STK32B: variants seen among roughly 807,000 people sequenced by gnomAD.
The protein encoded by STK32B is serine/threonine-protein kinase 32B.
STK32B carries 43 observed loss-of-function variants against 52.6 expected under a neutral mutation model. That is an observed-to-expected ratio of 0.82 (90% CI 0.64 to 1.05). STK32B has a LOEUF of 1.05. Among genes scored for constraint, STK32B ranks in the 50% least tolerant of loss-of-function variants. STK32B has a pLI of 0.00. For missense variants in STK32B, 621 were observed against 534.6 expected (o/e 1.16, Z -1.59); for synonymous variants, 238 against 204.3 (o/e 1.17, Z -1.41).
intron 1 of STK32B, 69 bp downstream of exon 1, chr4:5,051,984 C>G (rs1741806154): frequency 1.9e-6 from 3 of 1,546,120 alleles, no homozygotes; most frequent in Middle Eastern, 1.7e-4. Context: ...CTCGGCCGAG[C>G]CCTGCGGGGC....
chr4:5,367,060 T>G (rs539800748), intron 4 of STK32B, among the ~76,000 whole-genome samples: 5 of 152,072 alleles, frequency 3.3e-5, no homozygotes, highest in Non-Finnish European at 7.4e-5. Flanking sequence ...CCACCTCCCC[T>G]TCTCTCCATG....
At chr4:5,039,222 C>T in the STK32B span, among the ~76,000 whole-genome samples, 1 of 152,094 alleles carries the variant, frequency 6.6e-6, no homozygotes, top group Non-Finnish European at 1.5e-5. Context: ...CTTAAACTCC[C>T]AGACTCAAGT....
chr4:5,371,218 G>A (rs898933458), intron 4 of STK32B, among the ~76,000 whole-genome samples: 2 of 152,058 alleles, frequency 1.3e-5, no homozygotes, highest in African/African-American at 2.4e-5. Context: ...GGGATCAGTA[G>A]ATGGAAAATG....
intron 2 of STK32B, chr4:5,140,261 A>T (rs1716336672): frequency 7.1e-7 from 1 of 1,405,986 alleles, no homozygotes; most frequent in Non-Finnish European, 9.4e-7. Context: ...ACCCATAAAC[A>T]TCACAAAGGC....
At chr4:5,317,393 A>AAT (rs1473627512) in intron 3 of STK32B, among the ~76,000 whole-genome samples, 1 of 82,662 alleles carries the variant, frequency 1.2e-5, no homozygotes, top group Non-Finnish European at 1.9e-5. Context: ...ACATATATAT[A>AAT]ATATATATAA....
At position 5,249,867 on chromosome 4, in the gene STK32B, A is replaced by T. The variant is rs59692549; in HGVS notation, c.261-81353A>T. Among the ~76,000 whole-genome samples the T allele has an allele frequency of 4.5e-3, 685 of 152,276 alleles. 2 individuals are homozygous for T. The highest frequency in any genetic ancestry group is 0.015 in the African/African-American group (625 of 41,554). On this transcript the variant is annotated intron_variant, in intron 3 of 11. Transcript: ENST00000282908. ...GTACAGATTATTTCATCACCTATGT[A>T]ATAAGCACAGTACTCGATAGATGGT...
chr4:5,345,381 T>G (rs1457580406), intron 4 of STK32B: 3 of 152,088 alleles, frequency 2.0e-5, no homozygotes, highest in Non-Finnish European at 4.4e-5. Context: ...AATTCCTCGT[T>G]CCTGTTCCCA....
chr4:5,145,560 C>G (rs550939717), intron 2 of STK32B, among the ~76,000 whole-genome samples: 1 of 152,276 alleles, frequency 6.6e-6, no homozygotes, highest in South Asian at 2.1e-4. Context: ...GTTGCCTGTT[C>G]TAAAATTTAG....
chr4:5,365,187 A>C (rs1476438177), intron 4 of STK32B, among the ~76,000 whole-genome samples: 1 of 152,178 alleles, frequency 6.6e-6, no homozygotes, highest in Non-Finnish European at 1.5e-5. Context: ...AAAAAATATT[A>C]TCTCTTTAGT....
chr4:5,312,213 T>A (rs190289223), intron 3 of STK32B, among the ~76,000 whole-genome samples: 107 of 130,906 alleles, frequency 8.2e-4, no homozygotes, highest in African/African-American at 2.9e-3. Flanking sequence ...AAAGATTTTC[T>A]TGTTGTTTTT....
intron 1 of STK32B, among the ~76,000 whole-genome samples, chr4:5,125,935 C>G (rs1004716931): frequency 6.6e-6 from 1 of 152,124 alleles, no homozygotes; most frequent in African/African-American, 2.4e-5. Context: ...CTACCGGAGG[C>G]CCTTGCCTCA....
At chr4:5,464,809 T>G (rs1048472041) in intron 9 of STK32B, among the ~76,000 whole-genome samples, 5 of 152,168 alleles carry the variant, frequency 3.3e-5, no homozygotes, top group African/African-American at 7.2e-5. Flanking sequence ...CCTGCATTTT[T>G]ATGAATGAAT....
At chr4:5,054,314 G>A (rs541511344) in intron 1 of STK32B, among the ~76,000 whole-genome samples, 8 of 152,260 alleles carry the variant, frequency 5.3e-5, no homozygotes, top group South Asian at 2.1e-4. Flanking sequence ...GAGCTCAGGC[G>A]ACTGATATCC....
chr4:5,039,937 C>A, the STK32B span, among the ~76,000 whole-genome samples: 1 of 152,182 alleles, frequency 6.6e-6, no homozygotes, highest in African/African-American at 2.4e-5. Context: ...AGGCAGTAGG[C>A]GGTCCAGGTC....
chr4:5,175,888 CT>C (rs1173153506), intron 3 of STK32B, among the ~76,000 whole-genome samples: 1 of 152,252 alleles, frequency 6.6e-6, no homozygotes, highest in Non-Finnish European at 1.5e-5. Flanking sequence ...TGTCTTTGCC[CT>C]GCCCCCAGAG....
intron 1 of STK32B, among the ~76,000 whole-genome samples, chr4:5,137,619 A>G (rs1038923776): frequency 1.3e-5 from 2 of 152,192 alleles, no homozygotes; most frequent in Non-Finnish European, 2.9e-5. Flanking sequence ...TACAAATGAG[A>G]TAACTGAGGC....
At chr4:5,401,554 C>A (rs1207882814) in intron 5 of STK32B, among the ~76,000 whole-genome samples, 1 of 152,194 alleles carries the variant, frequency 6.6e-6, no homozygotes, top group East Asian at 1.9e-4. Flanking sequence ...TTGGAATGGA[C>A]ACTTTCATTC....
At chr4:5,065,969 C>T (rs1241351883) in intron 1 of STK32B, among the ~76,000 whole-genome samples, 2 of 152,134 alleles carry the variant, frequency 1.3e-5, no homozygotes, top group African/African-American at 2.4e-5. Context: ...AGTGATCTGC[C>T]CGCCTCAGCC....
At chr4:5,403,133 G>A (rs1392584120) in intron 5 of STK32B, among the ~76,000 whole-genome samples, 1 of 152,164 alleles carries the variant, frequency 6.6e-6, no homozygotes, top group Non-Finnish European at 1.5e-5. Flanking sequence ...CCCTGCCCAG[G>A]GCTGGCCAAT....
Sources: gnomAD v4.1 joint callset for allele counts (sites outside exome capture counted in the v4.1 genomes callset) on GRCh38, gnomAD v4.1.1 for gene constraint, MANE v1.5 for transcripts, NCBI Gene and HGNC (gene_info 2026-07-23, HGNC 2026-07-21) for gene names.